SNCAIP: variants seen among roughly 807,000 people sequenced by gnomAD.
The protein encoded by SNCAIP is synuclein alpha interacting protein.
SNCAIP carries 43 observed loss-of-function variants against 86.7 expected under a neutral mutation model. The ratio of observed to expected loss-of-function variants is 0.50; its 90% confidence interval spans 0.39 to 0.64. The LOEUF (loss-of-function observed/expected upper bound fraction) is 0.64, where lower values mean the gene tolerates loss of function less well. Among genes scored for constraint, SNCAIP ranks in the 30% least tolerant of loss-of-function variants. The pLI is 0.00. For synonymous variants in SNCAIP, 417 were observed against 427.2 expected (o/e 0.98, Z 0.29); for missense variants, 981 against 1,103.1 (o/e 0.89, Z 1.57).
rs756357578 is a variant in SNCAIP at position 122,451,097 on chromosome 5, C to T, written c.2250C>T (p.Pro750=). The T allele has an allele frequency of 4.3e-6, 7 of 1,614,042 alleles. No homozygotes were observed. The highest frequency in any genetic ancestry group is 3.3e-5 in the Admixed American group (2 of 59,998). The part of the protein sequence containing the change: ...SKSLDGHSPS[P]TSESSEPDLE... ...CCCTGGATGGCCACAGCCCATCTCC[C>T]ACCTCAGAGAGCAGCGAACCAGACT... Residue 750 remains proline, a synonymous_variant, in exon 10 of 11, where the codon CCC becomes CCT. Coordinates refer to ENST00000261368, the MANE Select transcript of SNCAIP (RefSeq NM_005460.4).
At chr5:122,402,642 T>C (rs1366885619) in intron 2 of SNCAIP, among the ~76,000 whole-genome samples, 1 of 152,204 alleles carries the variant, frequency 6.6e-6, no homozygotes, top group East Asian at 1.9e-4. Flanking sequence ...GAAGTCTCAA[T>C]GCAGACGCTT....
chr5:122,324,605 T>C (rs139198541), intron 1 of SNCAIP, among the ~76,000 whole-genome samples: 4 of 152,342 alleles, frequency 2.6e-5, no homozygotes, highest in Admixed American at 2.6e-4. Flanking sequence ...TAATAGAGGT[T>C]AGGGGCTTGT....
At chr5:122,381,926 G>T (rs1370915027) in intron 1 of SNCAIP, among the ~76,000 whole-genome samples, 1 of 152,012 alleles carries the variant, frequency 6.6e-6, no homozygotes, top group African/African-American at 2.4e-5. Flanking sequence ...TAGTCTGATG[G>T]GTTTCCCTTT....
chr5:122,347,215 CTG>C (rs991330031), intron 1 of SNCAIP, among the ~76,000 whole-genome samples: 2 of 152,050 alleles, frequency 1.3e-5, no homozygotes, highest in Admixed American at 1.3e-4. Context: ...AAAGGATAGA[CTG>C]TGAATTCTTT....
At chr5:122,444,215 C>A (rs185077835) in intron 7 of SNCAIP, 115 of 476,682 alleles carry the variant, frequency 2.4e-4, no homozygotes, top group Non-Finnish European at 4.4e-4. Context: ...CAGTCTCCCC[C>A]TCTTACAGGC....
At chr5:122,391,008 T>G in intron 1 of SNCAIP, 81 bp from the exon 2 acceptor site, 1 of 759,466 alleles carries the variant, frequency 1.3e-6, no homozygotes, top group Non-Finnish European at 2.4e-6. Flanking sequence ...TCTCATCTTA[T>G]TTGTTTAAAT....
Position 122,341,221 on chromosome 5 carries a change from A to G in SNCAIP, c.-47+28937A>G, listed in dbSNP as rs1311274637. Among the ~76,000 whole-genome samples, 3 of 152,374 alleles carry G rather than the reference A, an allele frequency of 2.0e-5. No homozygotes were observed. The East Asian group carries it at 5.8e-4, about 29-fold the overall frequency. On this transcript the variant is annotated intron_variant, in intron 1 of 10. Coordinates refer to ENST00000261368, the MANE Select transcript of SNCAIP (RefSeq NM_005460.4). Reference sequence around the variant, plus strand: ...GTTTTTAAAGTGTTGAAAGAGAAGTATACAGAGCTTACAGGTTGAACAGTC... The same window carrying G: ...GTTTTTAAAGTGTTGAAAGAGAAGTGTACAGAGCTTACAGGTTGAACAGTC...
intron 1 of SNCAIP, among the ~76,000 whole-genome samples, chr5:122,339,558 A>G (rs1320506409): frequency 1.3e-5 from 2 of 152,094 alleles, no homozygotes; most frequent in Non-Finnish European, 2.9e-5. Flanking sequence ...TTTATTATTG[A>G]TTGGTCCAAA....
intron 1 of SNCAIP, among the ~76,000 whole-genome samples, chr5:122,341,196 G>A (rs956954123): frequency 1.1e-4 from 16 of 152,164 alleles, no homozygotes; most frequent in East Asian, 7.7e-4. Context: ...GACAGGGCAC[G>A]TTTTTAAAGT....
intron 1 of SNCAIP, among the ~76,000 whole-genome samples, chr5:122,352,545 A>G (rs546337996): frequency 1.2e-4 from 18 of 152,354 alleles, no homozygotes; most frequent in African/African-American, 3.6e-4. Context: ...CAAATGATGC[A>G]ATATCAGAAG....
intron 10 of SNCAIP, among the ~76,000 whole-genome samples, chr5:122,457,495 G>A (rs1411530222): frequency 2.6e-5 from 4 of 152,044 alleles, no homozygotes; most frequent in African/African-American, 9.7e-5. Flanking sequence ...GCTTCCCCAG[G>A]TACTCTGTGC....
intron 3 of SNCAIP, among the ~76,000 whole-genome samples, chr5:122,416,523 G>A (rs1775341490): frequency 6.6e-6 from 1 of 152,116 alleles, no homozygotes; most frequent in South Asian, 2.1e-4. Flanking sequence ...CCAAGACAGT[G>A]CCCCATCACA....
intron 1 of SNCAIP, among the ~76,000 whole-genome samples, chr5:122,366,683 AG>A (rs1160285799): frequency 3.9e-5 from 6 of 152,140 alleles, no homozygotes; most frequent in Non-Finnish European, 7.3e-5. Flanking sequence ...TGTGTCATAA[AG>A]TTTCCAGTAT....
At chr5:122,362,149 T>TA (rs1762330426) in intron 1 of SNCAIP, among the ~76,000 whole-genome samples, 1 of 152,238 alleles carries the variant, frequency 6.6e-6, no homozygotes, top group African/African-American at 2.4e-5. Context: ...GTTGAGCACT[T>TA]ACTTTGTTCC....
chr5:122,413,738 AAAAAAAG>A (rs557969396), intron 3 of SNCAIP, among the ~76,000 whole-genome samples: 79 of 152,218 alleles, frequency 5.2e-4, no homozygotes, highest in Non-Finnish European at 1.0e-3. Context: ...TGCTAAGTTA[AAAAAAAG>A]AAAAAAGAAA....
At chr5:122,358,497 T>C (rs533289723) in intron 1 of SNCAIP, among the ~76,000 whole-genome samples, 1 of 151,862 alleles carries the variant, frequency 6.6e-6, no homozygotes. Flanking sequence ...ATCATTCAAA[T>C]AAAATTCTTA....
chr5:122,351,308 A>G (rs1759724170), intron 1 of SNCAIP, among the ~76,000 whole-genome samples: 1 of 152,062 alleles, frequency 6.6e-6, no homozygotes, highest in African/African-American at 2.4e-5. Context: ...AGGCCAAGGC[A>G]GGCAGATCAC....
At chr5:122,342,008 A>C (rs1757691846) in intron 1 of SNCAIP, among the ~76,000 whole-genome samples, 1 of 152,234 alleles carries the variant, frequency 6.6e-6, no homozygotes, top group African/African-American at 2.4e-5. Flanking sequence ...CCTTCAAGCC[A>C]CATCCCCCTC....
intron 2 of SNCAIP, among the ~76,000 whole-genome samples, chr5:122,395,992 T>C (rs1334362705): frequency 6.6e-6 from 1 of 151,766 alleles, no homozygotes; most frequent in Non-Finnish European, 1.5e-5. Flanking sequence ...CTGTAAGCCC[T>C]GCCCTTCCTA....
Sources: allele counts gnomAD v4.1 joint callset (sites outside exome capture counted in the v4.1 genomes callset), GRCh38; gene constraint gnomAD v4.1.1; transcripts MANE v1.5; gene names NCBI Gene and HGNC (gene_info 2026-07-23, HGNC 2026-07-21).